MON2: variants seen among roughly 807,000 people sequenced by gnomAD.
The protein encoded by MON2 is protein MON2 homolog.
MON2 carries 84 observed loss-of-function variants against 208.6 expected under a neutral mutation model. The observed-to-expected ratio is 0.40, with a 90% CI of 0.34 to 0.48. MON2 has a LOEUF of 0.48. Among genes scored for constraint, MON2 ranks in the 20% least tolerant of loss-of-function variants. The probability of loss-of-function intolerance (pLI) is 0.59; values close to 1 mark genes in which losing one functional copy is unlikely to be tolerated. For synonymous variants in MON2, 660 were observed against 694.0 expected (o/e 0.95, Z 0.77); for missense variants, 1,611 against 2,015.4 (o/e 0.80, Z 3.84).
intron 30 of MON2, among the ~76,000 whole-genome samples, chr12:62,574,380 G>T (rs948731990): frequency 6.6e-6 from 1 of 151,966 alleles, no homozygotes; most frequent in African/African-American, 2.4e-5. Context: ...GTTTTTGTTT[G>T]TTTTTGTTTT....
At chr12:62,544,267 A>G (rs1438117927) in intron 20 of MON2, among the ~76,000 whole-genome samples, 2 of 152,186 alleles carry the variant, frequency 1.3e-5, no homozygotes, top group East Asian at 3.9e-4. Flanking sequence ...CAACATAGGG[A>G]GACACCATTT....
intron 22 of MON2, among the ~76,000 whole-genome samples, chr12:62,549,436 A>C (rs1191873837): frequency 6.7e-6 from 1 of 148,612 alleles, no homozygotes; most frequent in African/African-American, 2.5e-5. Flanking sequence ...CCAAGGCAAC[A>C]TAGTGGGACC....
intron 13 of MON2, 111 bp downstream of exon 13, chr12:62,535,037 A>T: frequency 1.2e-6 from 1 of 802,680 alleles, no homozygotes; most frequent in Non-Finnish European, 2.0e-6. Context: ...AGTTTTTTAT[A>T]TGTGTGAAAC....
chr12:62,480,407 C>CA (rs1159407688), intron 1 of MON2, among the ~76,000 whole-genome samples: 10 of 150,404 alleles, frequency 6.6e-5, no homozygotes, highest in South Asian at 2.1e-4. Flanking sequence ...AAACAAAAAA[C>CA]AAAAAAAATC....
intron 24 of MON2, among the ~76,000 whole-genome samples, chr12:62,554,520 G>C (rs545288787): frequency 1.1e-4 from 17 of 152,152 alleles, no homozygotes; most frequent in South Asian, 4.1e-4. Context: ...TGAAAGATAG[G>C]GTCTTGCTCT....
chr12:62,490,007 G>C, intron 2 of MON2: 1 of 1,199,992 alleles, frequency 8.3e-7, no homozygotes, highest in Non-Finnish European at 1.1e-6. Context: ...TTCATAGTGG[G>C]GTATCCTAGT....
intron 29 of MON2, among the ~76,000 whole-genome samples, chr12:62,567,518 A>G (rs1475624964): frequency 6.6e-6 from 1 of 152,152 alleles, no homozygotes. Context: ...CCAAATCTTC[A>G]CATCCTCAGT....
intron 25 of MON2, 34 bp from the exon 26 acceptor site, chr12:62,560,457 A>T: frequency 6.5e-7 from 1 of 1,548,336 alleles, no homozygotes; most frequent in Non-Finnish European, 8.7e-7. Context: ...GATCGCTTTT[A>T]TGATAATAGT....
chr12:62,595,489 C>A lies in MON2; in HGVS notation c.*2740C>A, dbSNP rs2075508639. The stretch of plus-strand genomic sequence containing the variant: ...CTCACATCGTCACTTGCTGTCACTG[C>A]CAGTGCCTGTTTTATTCATATTGCT... On this transcript the variant is annotated 3_prime_UTR_variant, in exon 35 of 35. Transcript: ENST00000393630. 6.6e-6 allele frequency: 1 copy of A among 152,142 alleles called. No individual in the cohort carries two copies. The highest frequency in any genetic ancestry group is 1.5e-5 in the Non-Finnish European group (1 of 68,026). The allele number at this position is 152,142 out of a possible 1,614,324, so 9.4% of individuals were successfully genotyped here.
chr12:62,583,422 C>T (rs1375580388), intron 32 of MON2, among the ~76,000 whole-genome samples: 1 of 151,928 alleles, frequency 6.6e-6, no homozygotes, highest in Non-Finnish European at 1.5e-5. Flanking sequence ...AAAATGAATC[C>T]AGGGAGCCTA....
At chr12:62,510,902 C>A (rs2071362040) in intron 8 of MON2, among the ~76,000 whole-genome samples, 1 of 152,162 alleles carries the variant, frequency 6.6e-6, no homozygotes, top group South Asian at 2.1e-4. Flanking sequence ...AAATATTCCA[C>A]ACCAGAAAAA....
intron 24 of MON2, among the ~76,000 whole-genome samples, 176 bp from the exon 25 acceptor site, chr12:62,555,818 A>AT (rs2073944831): frequency 6.6e-6 from 1 of 151,926 alleles, no homozygotes; most frequent in South Asian, 2.1e-4. Context: ...AAAAAAAAAA[A>AT]AAAAAAAAGA....
intron 11 of MON2, among the ~76,000 whole-genome samples, chr12:62,531,482 C>T (rs193177823): frequency 1.4e-4 from 22 of 152,250 alleles, no homozygotes; most frequent in Admixed American, 7.8e-4. Context: ...TTGAATTACT[C>T]TTTTTTCCAG....
At chr12:62,561,954 A>G (rs1263332010) in intron 26 of MON2, among the ~76,000 whole-genome samples, 1 of 152,136 alleles carries the variant, frequency 6.6e-6, no homozygotes, top group Non-Finnish European at 1.5e-5. Flanking sequence ...ATACCTCTTA[A>G]TTACCTCTGG....
At chr12:62,497,999 GA>G (rs1256621257) in intron 4 of MON2, among the ~76,000 whole-genome samples, 1 of 151,072 alleles carries the variant, frequency 6.6e-6, no homozygotes, top group Non-Finnish European at 1.5e-5. Flanking sequence ...CAAGATAAAT[GA>G]AAACATATGT....
chr12:62,534,542 A>ATATATATATATATT (rs1306662466), intron 12 of MON2, among the ~76,000 whole-genome samples: 10 of 22,848 alleles, frequency 4.4e-4, no homozygotes, highest in African/African-American at 2.0e-3. Context: ...AAAAAAAAAA[A>ATATATATATATATT]ATATATATAT....
intron 8 of MON2, among the ~76,000 whole-genome samples, chr12:62,521,210 T>C (rs1441984045): frequency 1.3e-5 from 2 of 152,152 alleles, no homozygotes; most frequent in Non-Finnish European, 2.9e-5. Context: ...GGTTTCACTG[T>C]GTTGGCAAGG....
intron 32 of MON2, among the ~76,000 whole-genome samples, chr12:62,582,424 G>A (rs145753362): frequency 4.3e-4 from 65 of 152,284 alleles, no homozygotes; most frequent in African/African-American, 1.4e-3. Context: ...CAATGCTCCT[G>A]CTCATTCCTC....
chr12:62,513,909 C>G (rs1290463384), intron 8 of MON2, among the ~76,000 whole-genome samples: 1 of 145,988 alleles, frequency 6.8e-6, no homozygotes, highest in African/African-American at 2.5e-5. Context: ...GAGATCGCTC[C>G]ACTGCACTCC....
Sources: gnomAD v4.1 joint callset for allele counts (sites outside exome capture counted in the v4.1 genomes callset) on GRCh38, gnomAD v4.1.1 for gene constraint, MANE v1.5 for transcripts, NCBI Gene and HGNC (gene_info 2026-07-23, HGNC 2026-07-21) for gene names.